Variants in FHIT observed in about 807,000 individuals in gnomAD.
FHIT encodes the protein bis(5'-adenosyl)-triphosphatase.
In FHIT, 19 loss-of-function variants were observed where a neutral mutation model predicts 17.9. The observed-to-expected ratio is 1.06, with a 90% CI of 0.74 to 1.56. The LOEUF (loss-of-function observed/expected upper bound fraction) is 1.56, where lower values mean the gene tolerates loss of function less well. FHIT is among the 40% of genes most tolerant of loss of function. The probability of loss-of-function intolerance (pLI) is 0.00; values close to 1 mark genes in which losing one functional copy is unlikely to be tolerated. For synonymous variants in FHIT, 81 were observed against 69.7 expected, an observed-to-expected ratio of 1.16 and a Z score of -0.81; for missense variants, 248 against 189.2, an observed-to-expected ratio of 1.31 and a Z score of -1.82.
At chr3:59,843,942 G>A (rs1701623794) in intron 8 of FHIT, among the ~76,000 whole-genome samples, 1 of 152,064 alleles carries the variant, frequency 6.6e-6, no homozygotes, top group South Asian at 2.1e-4. Context: ...CTAATGGCTT[G>A]GTGCTGTCCT....
At chr3:60,207,543 A>T (rs906900380) in intron 5 of FHIT, among the ~76,000 whole-genome samples, 19 of 152,182 alleles carry the variant, frequency 1.2e-4, no homozygotes, top group African/African-American at 4.3e-4. Context: ...CTGCACTAAG[A>T]GTATAAAGCG....
chr3:60,011,536 G>T, intron 6 of FHIT, 136 bp from the exon 7 acceptor site: 4 of 759,692 alleles, frequency 5.3e-6, no homozygotes, highest in Non-Finnish European at 9.1e-6. Context: ...GGGACCATTG[G>T]CTTCAAATGT....
At chr3:60,191,728 G>A (rs1182524665) in intron 5 of FHIT, among the ~76,000 whole-genome samples, 1 of 152,010 alleles carries the variant, frequency 6.6e-6, no homozygotes, top group Non-Finnish European at 1.5e-5. Context: ...ATAAATTGGA[G>A]ACAGATTAAA....
intron 5 of FHIT, among the ~76,000 whole-genome samples, chr3:60,501,794 G>A (rs932594438): frequency 6.6e-6 from 1 of 152,188 alleles, no homozygotes; most frequent in Non-Finnish European, 1.5e-5. Flanking sequence ...GAAATGTAAC[G>A]AAGTGATACT....
At chr3:60,892,291 C>G (rs1351933046) in intron 3 of FHIT, among the ~76,000 whole-genome samples, 1 of 152,070 alleles carries the variant, frequency 6.6e-6, no homozygotes, top group African/African-American at 2.4e-5. Context: ...AAGCCCATAG[C>G]CTCCCCTGGA....
intron 5 of FHIT, among the ~76,000 whole-genome samples, chr3:60,467,182 T>C (rs1234776213): frequency 6.6e-6 from 1 of 152,062 alleles, no homozygotes; most frequent in African/African-American, 2.4e-5. Context: ...TCTAATGATC[T>C]TTGAATTTCT....
chr3:59,931,563 A>G (rs1224363604), intron 7 of FHIT, among the ~76,000 whole-genome samples: 2 of 152,222 alleles, frequency 1.3e-5, no homozygotes, highest in African/African-American at 4.8e-5. Context: ...AGCAATGCTC[A>G]GGCAGTTGGT....
intron 5 of FHIT, among the ~76,000 whole-genome samples, chr3:60,403,004 C>T (rs1176720537): frequency 1.3e-5 from 2 of 152,164 alleles, no homozygotes; most frequent in South Asian, 2.1e-4. Context: ...CACAGAGATA[C>T]CAATAGTGCA....
chr3:60,316,482 G>T (rs1339092277), intron 5 of FHIT, among the ~76,000 whole-genome samples: 1 of 152,130 alleles, frequency 6.6e-6, no homozygotes, highest in Non-Finnish European at 1.5e-5. Flanking sequence ...AGCAAAAAAT[G>T]CAAACTATTA....
At chr3:61,089,208 A>G (rs2035399352) in intron 2 of FHIT, among the ~76,000 whole-genome samples, 1 of 152,180 alleles carries the variant, frequency 6.6e-6, no homozygotes, top group Non-Finnish European at 1.5e-5. Context: ...TCCCAGCTCA[A>G]TATATACATA....
chr3:59,982,974 T>C (rs1182954872), intron 7 of FHIT, among the ~76,000 whole-genome samples: 1 of 152,122 alleles, frequency 6.6e-6, no homozygotes, highest in African/African-American at 2.4e-5. Flanking sequence ...TTTTTCATTC[T>C]GTTGCCCAGG....
intron 3 of FHIT, among the ~76,000 whole-genome samples, chr3:60,976,403 G>C (rs757130426): frequency 6.6e-6 from 1 of 151,804 alleles, no homozygotes; most frequent in African/African-American, 2.4e-5. Context: ...CACCACACCC[G>C]GCCTCAGAAC....
intron 2 of FHIT, among the ~76,000 whole-genome samples, chr3:61,044,844 A>G (rs2033706078): frequency 6.6e-6 from 1 of 152,214 alleles, no homozygotes; most frequent in Admixed American, 6.5e-5. Flanking sequence ...TCTTAAAGAA[A>G]AGAATTTTCA....
intron 5 of FHIT, among the ~76,000 whole-genome samples, chr3:60,349,686 G>C (rs563360408): frequency 2.2e-4 from 34 of 152,146 alleles, no homozygotes; most frequent in African/African-American, 7.9e-4. Flanking sequence ...AGCTTCCTGA[G>C]AAAAAGCAAT....
At chr3:60,527,809 C>G (rs193059339) in intron 5 of FHIT, among the ~76,000 whole-genome samples, 1 of 152,134 alleles carries the variant, frequency 6.6e-6, no homozygotes, top group Admixed American at 6.5e-5. Context: ...CCCACCCCAC[C>G]GTACATAGAA....
chr3:60,554,952 T>C (rs182086595), intron 4 of FHIT, among the ~76,000 whole-genome samples: 4 of 152,312 alleles, frequency 2.6e-5, no homozygotes, highest in Non-Finnish European at 5.9e-5. Flanking sequence ...CTCTATAGAC[T>C]TACTCCTATT....
chr3:60,105,633 A>G (rs1202831433), intron 5 of FHIT, among the ~76,000 whole-genome samples: 2 of 152,150 alleles, frequency 1.3e-5, no homozygotes, highest in South Asian at 2.1e-4. Context: ...AATTAGCTTT[A>G]CCCTGAACTA....
At chr3:60,944,962 C>T (rs1666169807) in intron 3 of FHIT, among the ~76,000 whole-genome samples, 1 of 152,154 alleles carries the variant, frequency 6.6e-6, no homozygotes, top group African/African-American at 2.4e-5. Flanking sequence ...AGTCAACTCT[C>T]CAGTGTCACG....
intron 3 of FHIT, among the ~76,000 whole-genome samples, chr3:60,823,859 A>T (rs1702022084): frequency 6.6e-6 from 1 of 152,204 alleles, no homozygotes; most frequent in African/African-American, 2.4e-5. Flanking sequence ...GACAACCATG[A>T]TGATGGCTCT....
Sources: gnomAD v4.1 joint callset for allele counts (sites outside exome capture counted in the v4.1 genomes callset) on GRCh38, gnomAD v4.1.1 for gene constraint, MANE v1.5 for transcripts, NCBI Gene and HGNC (gene_info 2026-07-23, HGNC 2026-07-21) for gene names.